The following SANBR variants were observed in gnomAD, a reference collection of about 807,000 sequenced individuals.
SANBR encodes the protein SANT and BTB domain regulator of CSR.
SANBR carries 77 observed loss-of-function variants against 101.8 expected under a neutral mutation model. The ratio of observed to expected loss-of-function variants is 0.76; its 90% CI spans 0.63 to 0.91. SANBR has a LOEUF of 0.91. Among genes scored for constraint, SANBR ranks in the 40% least tolerant of loss-of-function variants. The pLI, the probability that SANBR is intolerant of heterozygous loss-of-function variation, is 0.00. For missense variants in SANBR, 875 were observed against 853.0 expected (o/e 1.03, Z -0.32); for synonymous variants, 279 against 274.7 (o/e 1.02, Z -0.15).
chr2:61,103,170 C>G (rs1683375981), intron 12 of SANBR, among the ~76,000 whole-genome samples: 1 of 145,446 alleles, frequency 6.9e-6, no homozygotes, highest in South Asian at 2.1e-4. Context: ...GGGTTTCACT[C>G]TATCGCCCAA....
At chr2:61,130,104 T>C (rs1385810731) in intron 20 of SANBR, among the ~76,000 whole-genome samples, 1 of 152,134 alleles carries the variant, frequency 6.6e-6, no homozygotes, top group Non-Finnish European at 1.5e-5. Context: ...TCTCCATGCT[T>C]CCTATCTTTT....
At chr2:61,070,528 C>T in intron 3 of SANBR, 28 bp downstream of exon 3, 2 of 1,583,758 alleles carry the variant, frequency 1.3e-6, no homozygotes, top group South Asian at 1.2e-5. Flanking sequence ...CAGAATATCT[C>T]CTGAAAATGT....
At chr2:61,094,220 C>A in intron 11 of SANBR, 1 of 219,514 alleles carries the variant, frequency 4.6e-6, no homozygotes, top group Non-Finnish European at 7.7e-6. Flanking sequence ...CCTCCGCAAT[C>A]AAAGCATGTA....
In SANBR at chr2:61,083,166, A is replaced by G. The variant is rs1368192846; in HGVS notation, c.742A>G (p.Ile248Val). 8.1e-6 allele frequency: 13 copies of G among 1,611,098 alleles called. No individual in the cohort carries two copies. Among genetic ancestry groups the G allele is most frequent in the Non-Finnish European group, 6.8e-6 (8 of 1,177,986 alleles). ...TATGATTTTTTAGGTTGAACAGTGTATTCAGTATTGCCACAAAAATATGAA... is the reference window on the plus strand; with the variant it reads ...TATGATTTTTTAGGTTGAACAGTGTGTTCAGTATTGCCACAAAAATATGAA... Reference protein sequence around the residue: ...LKMDSLVEQCIQYCHKNMNAI... With the variant: ...LKMDSLVEQCVQYCHKNMNAI... The change falls in exon 8 of 22, where the codon ATT becomes GTT. Residue 248 changes from isoleucine to valine, a missense_variant. Physicochemically the swap from Ile to Val is conservative, Grantham distance 29 (BLOSUM62 3). Transcript: ENST00000402291.
chr2:61,066,833 C>T (rs771167223), intron 1 of SANBR, among the ~76,000 whole-genome samples: 1 of 151,878 alleles, frequency 6.6e-6, no homozygotes, highest in Non-Finnish European at 1.5e-5. Flanking sequence ...ATACATAAAC[C>T]AAGAGAAGGG....
chr2:61,106,452 G>A, intron 13 of SANBR, 111 bp from the exon 14 acceptor site: 1 of 670,176 alleles, frequency 1.5e-6, no homozygotes, highest in Non-Finnish European at 2.6e-6. Context: ...TTATACTCAG[G>A]AACTGTATTT....
intron 1 of SANBR, among the ~76,000 whole-genome samples, chr2:61,066,804 A>G (rs547082281): frequency 6.6e-6 from 1 of 152,344 alleles, no homozygotes; most frequent in African/African-American, 2.4e-5. Flanking sequence ...AGTCTTCTTA[A>G]TTAATACATG....
chr2:61,108,239 C>T, intron 14 of SANBR, 78 bp from the exon 15 acceptor site: 1 of 856,804 alleles, frequency 1.2e-6, no homozygotes, highest in Non-Finnish European at 1.8e-6. Flanking sequence ...TTCAACTCTT[C>T]TACAGTATCT....
chr2:61,106,390 C>CAAAAAAAAAAAA (rs11364653), intron 13 of SANBR, among the ~76,000 whole-genome samples, 173 bp from the exon 14 acceptor site: 2 of 63,262 alleles, frequency 3.2e-5, no homozygotes, highest in Admixed American at 2.2e-4. Context: ...GACTCCATCT[C>CAAAAAAAAAAAA]AAAAAAAAAA....
At position 61,073,530 on chromosome 2, in the gene SANBR, A is replaced by C; in HGVS notation, c.410A>C (p.Glu137Ala). The change falls in exon 5 of 22, where the codon GAA (glutamate) becomes GCA (alanine). Residue 137 changes from glutamate to alanine, a missense_variant. Transcript: ENST00000402291. ...SENCTTHNGG[E>A]MTEESEGPNM... Reference sequence around the variant, plus strand: ...AATTGTACTACTCATAATGGTGGAGAAATGACTGAAGAATCTGAAGGGTAG... The same window carrying C: ...AATTGTACTACTCATAATGGTGGAGCAATGACTGAAGAATCTGAAGGGTAG... The C allele has an allele frequency of 1.3e-6, 2 of 1,572,416 alleles. No homozygotes were observed. The highest frequency in any genetic ancestry group is 1.7e-6 in the Non-Finnish European group (2 of 1,154,644).
At chr2:61,085,272 A>G (rs1405309674) in intron 8 of SANBR, among the ~76,000 whole-genome samples, 7 of 151,786 alleles carry the variant, frequency 4.6e-5, no homozygotes, top group East Asian at 1.9e-4. Flanking sequence ...ACATTGTCCT[A>G]TGTTTTTCTG....
chr2:61,104,120 TAACTG>T (rs1307032481), intron 13 of SANBR, 122 bp downstream of exon 13: 7 of 790,920 alleles, frequency 8.9e-6, no homozygotes, highest in African/African-American at 1.7e-5. Context: ...TCAGAAAACT[TAACTG>T]AAATTATATG....
Position 61,122,421 on chromosome 2 carries a change from T to C in SANBR, c.*259T>C. The C allele has an allele frequency of 1.7e-6, 2 of 1,187,078 alleles. No homozygotes were observed. Among genetic ancestry groups the C allele is most frequent in the Non-Finnish European group, 2.1e-6 (2 of 959,034 alleles). 73.5% of individuals were successfully genotyped at this position (1,187,078 alleles called of 1,614,324 possible). A position where few individuals can be genotyped will look rare whatever the true frequency, so the allele number is the denominator to read the frequency against. On this transcript the variant is annotated 3_prime_UTR_variant, in exon 22 of 22. Coordinates refer to ENST00000402291, the MANE Select transcript of SANBR (RefSeq NM_001129993.3). ...GAAAGCAATTATTTACAAATTTGCATAGTTGAGACTCCCAGTGTTTTCCTT... is the reference window on the plus strand; with the variant it reads ...GAAAGCAATTATTTACAAATTTGCACAGTTGAGACTCCCAGTGTTTTCCTT...
chr2:61,108,166 T>C (rs1683663362), intron 14 of SANBR, 151 bp from the exon 15 acceptor site: 2 of 450,554 alleles, frequency 4.4e-6, no homozygotes, highest in Admixed American at 4.3e-5. Context: ...CTGTAACATA[T>C]CACTTTCAGC....
intron 16 of SANBR, chr2:61,115,675 C>T (rs763580580): frequency 2.2e-5 from 4 of 179,866 alleles, no homozygotes; most frequent in East Asian, 1.4e-4. Context: ...TCGCTTAAAC[C>T]GTTGAAGCAG....
Position 61,122,373 on chromosome 2 carries a change from C to A in SANBR, c.*211C>A. On this transcript the variant is annotated 3_prime_UTR_variant, in exon 22 of 22. Coordinates refer to ENST00000402291, the MANE Select transcript of SANBR (RefSeq NM_001129993.3). Reference sequence around the variant, plus strand: ...GAAACTTTTTAAATCTGATTTTCTTCTAATATCATTCTAGGCTATGTAGAA... The same window carrying A: ...GAAACTTTTTAAATCTGATTTTCTTATAATATCATTCTAGGCTATGTAGAA... 8.0e-7 allele frequency: 1 copy of A among 1,251,726 alleles called. No homozygotes were observed. The highest frequency in any genetic ancestry group is 2.8e-5 in the South Asian group (1 of 35,386). The allele number at this position is 1,251,726 out of a possible 1,614,324, so 77.5% of individuals were successfully genotyped here.
chr2:61,124,621 G>A (rs895808839), downstream of SANBR, among the ~76,000 whole-genome samples: 2 of 151,720 alleles, frequency 1.3e-5, no homozygotes, highest in Non-Finnish European at 2.9e-5. Flanking sequence ...TGGAAGAATT[G>A]CTTGAGCCTG....
At chr2:61,111,904 GTAT>G (rs1482396205) in intron 16 of SANBR, among the ~76,000 whole-genome samples, 2 of 152,138 alleles carry the variant, frequency 1.3e-5, no homozygotes, top group African/African-American at 4.8e-5. Flanking sequence ...TTGCAGAGTA[GTAT>G]TCCATTGTAT....
intron 11 of SANBR, among the ~76,000 whole-genome samples, chr2:61,093,058 G>A (rs981828189): frequency 6.6e-6 from 1 of 151,184 alleles, no homozygotes. Context: ...ACTTGAACCC[G>A]GGAGGCAGAG....
Sources: allele counts gnomAD v4.1 joint callset (sites outside exome capture counted in the v4.1 genomes callset), GRCh38; gene constraint gnomAD v4.1.1; transcripts MANE v1.5; gene names NCBI Gene and HGNC (gene_info 2026-07-23, HGNC 2026-07-21).